MCMBP: variants seen among roughly 807,000 people sequenced by gnomAD.
MCMBP encodes mini-chromosome maintenance complex-binding protein.
A neutral mutation model predicts 81.3 loss-of-function variants in MCMBP; 31 were observed. That is an observed-to-expected ratio of 0.38 (90% CI 0.29 to 0.51). MCMBP has a LOEUF of 0.51. Among genes scored for constraint, MCMBP ranks in the 20% least tolerant of loss-of-function variants. MCMBP has a pLI of 0.87. For missense variants in MCMBP, 645 were observed against 772.1 expected (o/e 0.84, Z 1.95); for synonymous variants, 267 against 275.9 (o/e 0.97, Z 0.32).
rs1381643043 is a variant in MCMBP, at chr10:119,871,595, T to C, written c.58+932A>G. ...CGTCGATTTTGGCTGCTGAGGATGATTTAGCTTCCCACTGCCTTTTCTCTC... is the reference window on the plus strand; with the variant it reads ...CGTCGATTTTGGCTGCTGAGGATGACTTAGCTTCCCACTGCCTTTTCTCTC... On this transcript the variant is annotated intron_variant, in intron 1 of 15. Coordinates refer to ENST00000369077, the MANE Select transcript of MCMBP (RefSeq NM_001256378.2). Among the ~76,000 whole-genome samples, 9 of 152,284 alleles carry C rather than the reference T, an allele frequency of 5.9e-5. No homozygotes were observed. In the South Asian group the frequency reaches 1.9e-3, roughly 32 times the overall value.
intron 4 of MCMBP, 70 bp from the exon 5 acceptor site, chr10:119,857,509 A>T (rs767326214): frequency 2.0e-5 from 20 of 989,428 alleles, no homozygotes; most frequent in Non-Finnish European, 2.9e-5. Context: ...TAAAATTAGC[A>T]ACCACATTTT....
intron 8 of MCMBP, among the ~76,000 whole-genome samples, chr10:119,843,900 G>T (rs1022368445): frequency 1.6e-4 from 25 of 152,116 alleles, no homozygotes; most frequent in African/African-American, 5.6e-4. Context: ...GACCTCAAGT[G>T]ATCTGCCTGC....
At chr10:119,834,042 CAG>C (rs946813917) in intron 14 of MCMBP, among the ~76,000 whole-genome samples, 10 of 151,854 alleles carry the variant, frequency 6.6e-5, no homozygotes, top group African/African-American at 2.4e-4. Flanking sequence ...GTCTAAGAAA[CAG>C]AACAAAAAAA....
In MCMBP at chr10:119,830,216, G is replaced by A. The variant is rs527556119; in HGVS notation, c.*1258C>T. ...AACAATTTCAATTTAGGCCTTATAG[G>A]AAAAAACGTAAGGGATCCTTTATCT... On this transcript the variant is annotated 3_prime_UTR_variant, in exon 16 of 16. Coordinates refer to ENST00000369077, the MANE Select transcript of MCMBP (RefSeq NM_001256378.2). 5 of 152,634 alleles carry A rather than the reference G, an allele frequency of 3.3e-5. No homozygotes were observed. The South Asian group carries it at 1.0e-3, about 32-fold the overall frequency. 9.5% of individuals were successfully genotyped at this position (152,634 alleles called of 1,614,324 possible). A position where few individuals can be genotyped will look rare whatever the true frequency, so the allele number is the denominator to read the frequency against.
Position 119,835,617 on chromosome 10 carries a change from A to C in MCMBP, c.1630T>G (p.Ser544Ala). Residue 544 changes from serine to alanine, a missense_variant, in exon 14 of 16, where the codon TCC becomes GCC. Physicochemically the swap from Ser to Ala is moderately conservative, Grantham distance 99. Coordinates refer to ENST00000369077, the MANE Select transcript of MCMBP (RefSeq NM_001256378.2). The stretch of plus-strand genomic sequence containing the variant: ...TAAATGCGGAATTTGTTCAGCACGG[A>C]AGGCAGCACCGCTGAGAGAAGGCTG... The part of the protein sequence containing the change: ...MNSLLSAVLP[S>A]VLNKFRIYLT... 1 of 1,614,226 alleles carries C rather than the reference A, an allele frequency of 6.2e-7. No individual in the cohort carries two copies. The highest frequency in any genetic ancestry group is 8.5e-7 in the Non-Finnish European group (1 of 1,180,012).
chr10:119,849,529 T>C lies in MCMBP; in HGVS notation c.622A>G (p.Thr208Ala). Residue 208 changes from threonine (T) to alanine (A), a missense_variant, in exon 7 of 16, where the codon ACT becomes GCT. Coordinates refer to ENST00000369077, the MANE Select transcript of MCMBP (RefSeq NM_001256378.2). ...AGCTGTTGCCCAGTAGAAGCTTCAG[T>C]TTCTAAACGTTTTGGCTCTCCACAC... ...QWCGEPKRLE[T>A]EASTGQQLNS... The C allele has an allele frequency of 1.2e-6, 2 of 1,608,122 alleles. No individual in the cohort carries two copies. The highest frequency in any genetic ancestry group is 1.7e-6 in the Non-Finnish European group (2 of 1,178,368).
chr10:119,871,728 A>C (rs1439729274), intron 1 of MCMBP, among the ~76,000 whole-genome samples: 1 of 152,072 alleles, frequency 6.6e-6, no homozygotes, highest in Non-Finnish European at 1.5e-5. Flanking sequence ...GCTGGATCTG[A>C]CTCCGCCACT....
At chr10:119,835,466 A>T in intron 14 of MCMBP, 74 bp downstream of exon 14, 1 of 1,273,274 alleles carries the variant, frequency 7.9e-7, no homozygotes, top group Non-Finnish European at 1.1e-6. Context: ...CCTTATCAGT[A>T]ATTATGGTAA....
chr10:119,867,641 G>A (rs895398511), intron 1 of MCMBP, among the ~76,000 whole-genome samples: 1 of 152,122 alleles, frequency 6.6e-6, no homozygotes, highest in Non-Finnish European at 1.5e-5. Flanking sequence ...TTGGAACCGA[G>A]AACAAGTAAA....
chr10:119,847,847 T>C (rs946212618), intron 7 of MCMBP, 134 bp from the exon 8 acceptor site: 1 of 480,164 alleles, frequency 2.1e-6, no homozygotes, highest in Non-Finnish European at 3.6e-6. Flanking sequence ...TTATAAATTT[T>C]TATAAATTGA....
chr10:119,846,182 T>C (rs1338375288), intron 8 of MCMBP, among the ~76,000 whole-genome samples: 2 of 152,102 alleles, frequency 1.3e-5, no homozygotes, highest in Non-Finnish European at 2.9e-5. Flanking sequence ...TGTTAAAAAA[T>C]GATAACATCA....
rs765221345 is a variant in MCMBP at position 119,832,046 on chromosome 10, C to T, written c.1762G>A (p.Ala588Thr). ...ACGAGCAGCTGGTGAAGATCATCAG[C>T]AGTGATGCTCTGAGGGTCGTTCTTC... ...MRKNDPQSIT[A>T]DDLHQLLVVA... Residue 588 changes from alanine (A) to threonine (T), a missense_variant, in exon 15 of 16, where the codon GCT becomes ACT. Transcript: ENST00000369077. 1 of 1,613,232 alleles carries T rather than the reference C, an allele frequency of 6.2e-7. No individual in the cohort carries two copies. Among genetic ancestry groups the T allele is most frequent in the Non-Finnish European group, 8.5e-7 (1 of 1,179,776 alleles).
intron 1 of MCMBP, among the ~76,000 whole-genome samples, chr10:119,867,292 CAAAAAAAAAAAAAAA>C (rs372338008): frequency 4.1e-5 from 2 of 48,714 alleles, no homozygotes; most frequent in South Asian, 1.7e-3. Context: ...GACTCCATCT[CAAAAAAAAAAAAAAA>C]AAAAAAAAAA....
upstream of MCMBP, chr10:119,873,560 A>AGGAT (rs1363543077): frequency 1.3e-5 from 2 of 152,244 alleles, no homozygotes; most frequent in Admixed American, 1.3e-4. Flanking sequence ...GCGCGCCGCT[A>AGGAT]GGATACCCTG....
intron 13 of MCMBP, among the ~76,000 whole-genome samples, chr10:119,835,985 G>A (rs759627405): frequency 2.2e-4 from 34 of 152,200 alleles, no homozygotes; most frequent in Non-Finnish European, 3.8e-4. Flanking sequence ...ACAGGTGCAC[G>A]CCACCATGCC....
intron 15 of MCMBP, 97 bp from the exon 16 acceptor site, chr10:119,831,697 C>T (rs746121573): frequency 1.8e-4 from 246 of 1,394,704 alleles, no homozygotes; most frequent in Non-Finnish European, 2.3e-4. Flanking sequence ...AAACACAGAG[C>T]ACGTTAGGAG....
chr10:119,859,540 G>A lies in MCMBP; in HGVS notation c.144+259C>T, dbSNP rs191215886. Among the ~76,000 whole-genome samples the A allele has an allele frequency of 8.3e-3, 1,261 of 152,138 alleles. 15 individuals are homozygous for A. The highest frequency in any genetic ancestry group is 7.7e-3 in the Non-Finnish European group (521 of 67,992). ...TTTAAAATGAAGGTAATAAAACAAA[G>A]GTAACTGACACTCTTGCAACTAAAG... On this transcript the variant is annotated intron_variant, in intron 2 of 15. Transcript: ENST00000369077.
chr10:119,852,036 C>T (rs1852841770), intron 6 of MCMBP, among the ~76,000 whole-genome samples: 1 of 151,290 alleles, frequency 6.6e-6, no homozygotes, highest in South Asian at 2.1e-4. Flanking sequence ...CCTGTAATTC[C>T]AGCTACTCAG....
chr10:119,835,804 A>G (rs1685131901), intron 13 of MCMBP, 100 bp from the exon 14 acceptor site: 1 of 1,217,744 alleles, frequency 8.2e-7, no homozygotes, highest in African/African-American at 1.5e-5. Context: ...TGGGAATTAG[A>G]AAATACCACT....
Sources: allele counts gnomAD v4.1 joint callset (sites outside exome capture counted in the v4.1 genomes callset), GRCh38; gene constraint gnomAD v4.1.1; transcripts MANE v1.5; gene names NCBI Gene and HGNC (gene_info 2026-07-23, HGNC 2026-07-21).